The following OR2B11 variants were observed in gnomAD, a reference collection of about 807,000 sequenced individuals.
OR2B11 encodes the protein olfactory receptor family 2 subfamily B member 11.
For missense variants in OR2B11, 422 were observed against 400.0 expected (o/e 1.05, Z -0.47); for synonymous variants, 198 against 174.5 (o/e 1.13, Z -1.06).
Position 247,449,260 on chromosome 1 carries a change from T to C in OR2B11, c.*1769A>G, listed in dbSNP as rs10925027. On this transcript the variant is annotated 3_prime_UTR_variant, in exon 2 of 2. Transcript: ENST00000641149. Reference sequence around the variant, plus strand: ...TCTAACTGTAATGAGTGGAATTTCATCTTTGATAGGATAGGAGATTGAAAA... The same window carrying C: ...TCTAACTGTAATGAGTGGAATTTCACCTTTGATAGGATAGGAGATTGAAAA... 0.57 allele frequency: 87,277 copies of C among 152,100 alleles called. 25,474 individuals carry two copies. Among genetic ancestry groups the C allele is most frequent in the Middle Eastern group, 0.72 (212 of 294 alleles). The allele number at this position is 152,100 out of a possible 1,614,324, so 9.4% of individuals were successfully genotyped here.
rs1352098491 is a variant in OR2B11, at chr1:247,451,516, C to T, written c.467G>A (p.Gly156Asp). 6.2e-7 allele frequency: 1 copy of T among 1,614,244 alleles called. No homozygotes were observed. Among genetic ancestry groups the T allele is most frequent in the East Asian group, 2.2e-5 (1 of 44,888 alleles). ...CACCTGCACGAAGGAGTTGCCGAAGCCACTGAGCCAGGCCAGAGCCACGAG... is the reference window on the plus strand; with the variant it reads ...CACCTGCACGAAGGAGTTGCCGAAGTCACTGAGCCAGGCCAGAGCCACGAG... ...QQLVALAWLS[G>D]FGNSFVQVVL... is the part of the protein sequence containing the mutation. The change falls in exon 2 of 2, where the codon GGC becomes GAC. Residue 156 changes from glycine (G) to aspartate (D), a missense_variant. Physicochemically the swap from Gly to Asp is moderately conservative, Grantham distance 94. Coordinates refer to ENST00000641149, the MANE Select transcript of OR2B11 (RefSeq NM_001004492.2).
Position 247,449,468 on chromosome 1 carries a change from C to T in OR2B11, c.*1561G>A, listed in dbSNP as rs1664790251. On this transcript the variant is annotated 3_prime_UTR_variant, in exon 2 of 2. Coordinates refer to ENST00000641149, the MANE Select transcript of OR2B11 (RefSeq NM_001004492.2). Reference sequence around the variant, plus strand: ...AAGGAAATATTTACTAATTGCTTCTCTACACATGGACAACTCTTAAACCGC... The same window carrying T: ...AAGGAAATATTTACTAATTGCTTCTTTACACATGGACAACTCTTAAACCGC... 6.6e-6 allele frequency: 1 copy of T among 152,222 alleles called. No individual in the cohort carries two copies. Among genetic ancestry groups the T allele is most frequent in the Non-Finnish European group, 1.5e-5 (1 of 68,054 alleles). 9.4% of individuals were successfully genotyped at this position (152,222 alleles called of 1,614,324 possible).
chr1:247,452,345 T>C lies in OR2B11; in HGVS notation c.-363A>G, dbSNP rs1303971130. 8.7e-6 allele frequency: 2 copies of C among 229,798 alleles called. No homozygotes were observed. The highest frequency in any genetic ancestry group is 1.7e-5 in the Non-Finnish European group (2 of 115,648). The allele number at this position is 229,798 out of a possible 1,614,324, so 14.2% of individuals were successfully genotyped here. Reference sequence around the variant, plus strand: ...AATACCTCACGAATGACAATTATGTTCCAGGTAGAGCGAAGCGTGCTGCAG... The same window carrying C: ...AATACCTCACGAATGACAATTATGTCCCAGGTAGAGCGAAGCGTGCTGCAG... On this transcript the variant is annotated 5_prime_UTR_variant, in exon 2 of 2. Transcript: ENST00000641149.
rs4925663 is a variant in OR2B11, at chr1:247,451,315, C to T, written c.668G>A (p.Gly223Asp). 0.39 allele frequency: 636,478 copies of T among 1,613,724 alleles called. 128,635 individuals are homozygous for T. The highest frequency in any genetic ancestry group is 0.49 in the East Asian group (22,061 of 44,850). Residue 223 changes from glycine (G) to aspartate (D), a missense_variant, in exon 2 of 2, where the codon GGC (glycine) becomes GAC (aspartate). Physicochemically the swap from Gly to Asp is moderately conservative, Grantham distance 94. Coordinates refer to ENST00000641149, the MANE Select transcript of OR2B11 (RefSeq NM_001004492.2). The stretch of plus-strand genomic sequence containing the variant: ...CCTGAGCACTGCCCGGGCAATAAAG[C>T]CATAGGAGAGAAGGATGAGAGCCAG... ...VPLALILLSY[G>D]FIARAVLRIQ...
Position 247,452,783 on chromosome 1 carries a change from G to C in OR2B11, c.-801C>G, listed in dbSNP as rs578101566. 2.0e-5 allele frequency: 3 copies of C among 152,420 alleles called. No individual in the cohort carries two copies. Among genetic ancestry groups the C allele is most frequent in the Admixed American group, 2.0e-4 (3 of 15,296 alleles). 9.4% of individuals were successfully genotyped at this position (152,420 alleles called of 1,614,324 possible). On this transcript the variant is annotated 5_prime_UTR_variant, in exon 2 of 2. In the 5' UTR this introduces an upstream ATG that the reference lacks. Coordinates refer to ENST00000641149, the MANE Select transcript of OR2B11 (RefSeq NM_001004492.2). ...TTTTGAGCACAGGGAGAAAGCTCTT[G>C]ATTGGCGTGAGAAAGGTAGCCCCTG...
At chr1:247,456,519 T>C (rs1370763299) in intron 1 of OR2B11, among the ~76,000 whole-genome samples, 1 of 152,176 alleles carries the variant, frequency 6.6e-6, no homozygotes, top group African/African-American at 2.4e-5. Flanking sequence ...CCTCGCCTAA[T>C]GGAAAAATTG....
At chr1:247,456,913 T>G (rs1353424295) in intron 1 of OR2B11, among the ~76,000 whole-genome samples, 1 of 152,222 alleles carries the variant, frequency 6.6e-6, no homozygotes, top group East Asian at 1.9e-4. Context: ...CAAAAATGAT[T>G]ATTGATTTTG....
Position 247,451,068 on chromosome 1 carries a change from C to G in OR2B11, c.915G>C (p.Leu305=), listed in dbSNP as rs1231695323. Residue 305 remains leucine, a synonymous_variant, in exon 2 of 2, where the codon CTG becomes CTC. Coordinates refer to ENST00000641149, the MANE Select transcript of OR2B11 (RefSeq NM_001004492.2). ...TLRNKDMKGA[L]RRLLARIWRL... ...TCCAGATCCTGGCCAGAAGTCTCCT[C>G]AGAGCCCCCTTCATATCTTTATTTC... The G allele has an allele frequency of 6.6e-7, 1 of 1,509,514 alleles. No homozygotes were observed. The highest frequency in any genetic ancestry group is 8.9e-7 in the Non-Finnish European group (1 of 1,129,564). 93.5% of individuals were successfully genotyped at this position (1,509,514 alleles called of 1,614,324 possible).
At chr1:247,456,429 G>A (rs115747296) in intron 1 of OR2B11, among the ~76,000 whole-genome samples, 2,016 of 152,244 alleles carry the variant, frequency 0.013, 45 homozygotes, top group African/African-American at 0.046. Context: ...TTACAGGCGT[G>A]AGCCACCTCA....
In OR2B11 at chr1:247,451,622, C is replaced by A; in HGVS notation, c.361G>T (p.Ala121Ser). The A allele has an allele frequency of 1.2e-6, 2 of 1,613,946 alleles. No homozygotes were observed. Among genetic ancestry groups the A allele is most frequent in the East Asian group, 2.2e-5 (1 of 44,862 alleles). The part of the protein sequence containing the change: ...LGCTECIVLA[A>S]MALDRYVAIC... ...GCCACGTAGCGGTCCAGGGCCATGG[C>A]GGCCAGGACGATGCACTCCGTGCAT... Residue 121 changes from alanine (A) to serine (S), a missense_variant, in exon 2 of 2, where the codon GCC becomes TCC. Physicochemically the swap from Ala to Ser is moderately conservative, Grantham distance 99. Coordinates refer to ENST00000641149, the MANE Select transcript of OR2B11 (RefSeq NM_001004492.2).
rs1664827405 is a variant in OR2B11, at chr1:247,450,905, ATGT to A, written c.*121_*123del. The A allele has an allele frequency of 3.9e-6, 2 of 515,160 alleles. No homozygotes were observed. Among genetic ancestry groups the A allele is most frequent in the South Asian group, 1.1e-4 (2 of 17,644 alleles). The allele number at this position is 515,160 out of a possible 1,614,324, so 31.9% of individuals were successfully genotyped here. A position where few individuals can be genotyped will look rare whatever the true frequency, so the allele number is the denominator to read the frequency against. On this transcript the variant is annotated 3_prime_UTR_variant, in exon 2 of 2. Coordinates refer to ENST00000641149, the MANE Select transcript of OR2B11 (RefSeq NM_001004492.2). ...TTGGGGCATTATAACAGGAAGTGAG[ATGT>A]TTGAAGACAGGGTTTTTGAGCTCTC... is the stretch of plus-strand genomic sequence containing the variant.
rs1664834889 is a variant in OR2B11 at position 247,451,201 on chromosome 1, T to C, written c.782A>G (p.Tyr261Cys). 1.9e-6 allele frequency: 3 copies of C among 1,580,638 alleles called. No individual in the cohort carries two copies. Among genetic ancestry groups the C allele is most frequent in the South Asian group, 1.2e-5 (1 of 86,244 alleles). ...IVSLFYLPAI[Y>C]MYLQPPSSYS... is the part of the protein sequence containing the mutation. ...GCTGGAAGGGGGCTGCAGATACATG[T>C]AAATCGCAGGTAGGTAGAAGAGGGA... is the stretch of plus-strand genomic sequence containing the variant. Residue 261 changes from tyrosine (Y) to cysteine (C), a missense_variant, in exon 2 of 2, where the codon TAC becomes TGC. By Grantham distance (194) the Tyr-to-Cys change is radical. Transcript: ENST00000641149.
chr1:247,452,179 G>A lies in OR2B11; in HGVS notation c.-197C>T, dbSNP rs1242119210. The stretch of plus-strand genomic sequence containing the variant: ...ACCAGGAGCCCCAGTAGCAGCCTCT[G>A]TGTCTTTGCTCTCCTTCCTACTCAG... On this transcript the variant is annotated 5_prime_UTR_variant, in exon 2 of 2. Coordinates refer to ENST00000641149, the MANE Select transcript of OR2B11 (RefSeq NM_001004492.2). 7.0e-6 allele frequency: 4 copies of A among 573,266 alleles called. No individual in the cohort carries two copies. The highest frequency in any genetic ancestry group is 3.7e-5 in the African/African-American group (2 of 53,656). The allele number at this position is 573,266 out of a possible 1,614,324, so 35.5% of individuals were successfully genotyped here.
rs777809244 is a variant in OR2B11 at position 247,454,553 on chromosome 1, C to T, written c.-2571G>A. ...ATCCCAAATTTCACCTGGCAGCCAT[C>T]CCCCCAGACTCAAACCATCTCCTTC... On this transcript the variant is annotated 5_prime_UTR_variant, in exon 2 of 2. Transcript: ENST00000641149. 6.6e-6 allele frequency: 1 copy of T among 152,420 alleles called. No homozygotes were observed. The highest frequency in any genetic ancestry group is 1.5e-5 in the Non-Finnish European group (1 of 68,182). 9.4% of individuals were successfully genotyped at this position (152,420 alleles called of 1,614,324 possible).
intron 1 of OR2B11, among the ~76,000 whole-genome samples, chr1:247,456,798 C>G (rs1017474063): frequency 6.6e-6 from 1 of 151,950 alleles, no homozygotes; most frequent in Non-Finnish European, 1.5e-5. Flanking sequence ...TGTGATGTTC[C>G]GCTCCCTGTG....
chr1:247,451,784 G>A lies in OR2B11; in HGVS notation c.199C>T (p.Leu67Phe), dbSNP rs758311462. The change falls in exon 2 of 2, where the codon CTC (leucine) becomes TTC (phenylalanine). Residue 67 changes from leucine (L) to phenylalanine (F), a missense_variant. Coordinates refer to ENST00000641149, the MANE Select transcript of OR2B11 (RefSeq NM_001004492.2). ...PQLHSPMYIF[L>F]SHLSFLDLCY... is the part of the protein sequence containing the mutation. ...AGGTCCAGGAAGGACAGGTGACTGA[G>A]GAAGATGTACATGGGGCTGTGGAGT... 3.7e-6 allele frequency: 6 copies of A among 1,614,088 alleles called. No individual in the cohort carries two copies. In the Admixed American group the frequency reaches 6.7e-5, roughly 18 times the overall value.
At position 247,452,032 on chromosome 1, in the gene OR2B11, T is replaced by C; in HGVS notation, c.-50A>G. On this transcript the variant is annotated 5_prime_UTR_variant, in exon 2 of 2. Transcript: ENST00000641149. ...GGCAAATTGAGAAAATTGGAATGAA[T>C]AATACCTGAGAAGAGGAATTGATCA... 1 of 1,117,218 alleles carries C rather than the reference T, an allele frequency of 9.0e-7. No individual in the cohort carries two copies. The highest frequency in any genetic ancestry group is 1.3e-5 in the South Asian group (1 of 77,494). The allele number at this position is 1,117,218 out of a possible 1,614,324, so 69.2% of individuals were successfully genotyped here. A position where few individuals can be genotyped will look rare whatever the true frequency, so the allele number is the denominator to read the frequency against.
chr1:247,451,912 C>A lies in OR2B11; in HGVS notation c.71G>T (p.Arg24Met). The change falls in exon 2 of 2, where the codon AGG becomes ATG. Residue 24 changes from arginine to methionine, a missense_variant. By Grantham distance (91) the Arg-to-Met change is moderately conservative. Transcript: ENST00000641149. ...KAFILLGVSD[R>M]PWLELPLFVV... ...AAAGAGAGGGAGTTCCAGCCACGGCCTGTCAGACACACCCAGAAGGATGAA... is the reference window on the plus strand; with the variant it reads ...AAAGAGAGGGAGTTCCAGCCACGGCATGTCAGACACACCCAGAAGGATGAA... 6.2e-7 allele frequency: 1 copy of A among 1,614,052 alleles called. No individual in the cohort carries two copies. Among genetic ancestry groups the A allele is most frequent in the Non-Finnish European group, 8.5e-7 (1 of 1,180,016 alleles).
At chr1:247,457,350 C>G (rs776336860) in intron 1 of OR2B11, among the ~76,000 whole-genome samples, 1 of 152,066 alleles carries the variant, frequency 6.6e-6, no homozygotes, top group African/African-American at 2.4e-5. Context: ...AGGGACTCAG[C>G]GTCCCCACAC....
Sources: gnomAD v4.1 joint callset for allele counts (sites outside exome capture counted in the v4.1 genomes callset) on GRCh38, gnomAD v4.1.1 for gene constraint, MANE v1.5 for transcripts, NCBI Gene and HGNC (gene_info 2026-07-23, HGNC 2026-07-21) for gene names.